LRRC4C: variants seen among roughly 807,000 people sequenced by gnomAD.
LRRC4C encodes the protein leucine rich repeat containing 4C, also known as leucine-rich repeat-containing protein 4C.
In LRRC4C, 5 loss-of-function variants were observed where a neutral mutation model predicts 33.6. The observed-to-expected ratio is 0.15, with a 90% confidence interval of 0.08 to 0.31. The LOEUF is 0.31. LRRC4C is among the 10% of genes least tolerant of loss of function. LRRC4C has a pLI of 1.00. For missense variants in LRRC4C, 560 were observed against 796.7 expected, an observed-to-expected ratio of 0.70 and a Z score of 3.58; for synonymous variants, 329 against 302.0, an observed-to-expected ratio of 1.09 and a Z score of -0.93.
intron 1 of LRRC4C, among the ~76,000 whole-genome samples, chr11:40,964,241 G>C (rs1251179163): frequency 1.3e-5 from 2 of 151,466 alleles, no homozygotes; most frequent in Non-Finnish European, 3.0e-5. Context: ...TTTTATCATT[G>C]ATTTATATCA....
chr11:40,788,145 TTC>T (rs1054318897), intron 2 of LRRC4C, among the ~76,000 whole-genome samples: 14 of 152,120 alleles, frequency 9.2e-5, no homozygotes, highest in African/African-American at 3.4e-4. Flanking sequence ...TCAATCTGAG[TTC>T]TGTCTTCTTC....
At chr11:40,606,919 G>T (rs186443417) in intron 3 of LRRC4C, among the ~76,000 whole-genome samples, 62 of 152,214 alleles carry the variant, frequency 4.1e-4, no homozygotes, top group African/African-American at 1.5e-3. Context: ...ATAACAAAAA[G>T]TTAATAGTCA....
chr11:40,958,005 C>A (rs1403312145), intron 1 of LRRC4C, among the ~76,000 whole-genome samples: 1 of 151,572 alleles, frequency 6.6e-6, no homozygotes, highest in East Asian at 1.9e-4. Context: ...GTGGAGGCTT[C>A]ATGATTGGGA....
At chr11:40,728,538 A>T (rs1280187818) in intron 2 of LRRC4C, among the ~76,000 whole-genome samples, 2 of 148,848 alleles carry the variant, frequency 1.3e-5, no homozygotes, top group Non-Finnish European at 3.0e-5. Context: ...AGGCGGGAGA[A>T]TGGTATGAAC....
chr11:40,755,272 G>A (rs1405681319), intron 2 of LRRC4C, among the ~76,000 whole-genome samples: 2 of 152,038 alleles, frequency 1.3e-5, no homozygotes, highest in African/African-American at 2.4e-5. Context: ...AATATGATGA[G>A]CTCTTTTACT....
chr11:40,706,626 T>C (rs1946181700), intron 2 of LRRC4C, among the ~76,000 whole-genome samples: 2 of 152,186 alleles, frequency 1.3e-5, no homozygotes, highest in Non-Finnish European at 2.9e-5. Flanking sequence ...TGCAGTATAG[T>C]TTGAAGTCAG....
chr11:41,195,186 G>A (rs1292336262), intron 1 of LRRC4C, among the ~76,000 whole-genome samples: 1 of 151,706 alleles, frequency 6.6e-6, no homozygotes, highest in East Asian at 1.9e-4. Flanking sequence ...TTCTCTTTAG[G>A]TTAACAAAAC....
chr11:41,183,564 G>A (rs1275736675), intron 1 of LRRC4C, among the ~76,000 whole-genome samples: 1 of 152,112 alleles, frequency 6.6e-6, no homozygotes, highest in East Asian at 1.9e-4. Flanking sequence ...CCAGGGTCTT[G>A]GGAAGCTCCA....
chr11:41,175,645 C>T (rs1025836817), intron 1 of LRRC4C, among the ~76,000 whole-genome samples: 2 of 152,116 alleles, frequency 1.3e-5, no homozygotes, highest in Non-Finnish European at 2.9e-5. Context: ...TTCAACCTTA[C>T]TATATGCTGA....
intron 5 of LRRC4C, among the ~76,000 whole-genome samples, chr11:40,191,729 G>C (rs1404257902): frequency 6.6e-6 from 1 of 152,192 alleles, no homozygotes; most frequent in Non-Finnish European, 1.5e-5. Flanking sequence ...AGGAGGCTGA[G>C]GCAGAAGGAT....
At chr11:41,313,613 A>T (rs1415311677) in intron 1 of LRRC4C, among the ~76,000 whole-genome samples, 1 of 152,218 alleles carries the variant, frequency 6.6e-6, no homozygotes, top group Non-Finnish European at 1.5e-5. Flanking sequence ...GATAGTGCTT[A>T]GAATACAAAT....
intron 3 of LRRC4C, among the ~76,000 whole-genome samples, chr11:40,551,716 T>C (rs1957133354): frequency 6.6e-6 from 1 of 152,218 alleles, no homozygotes; most frequent in Non-Finnish European, 1.5e-5. Flanking sequence ...CTTCATCTGG[T>C]AGAATATAAG....
intron 4 of LRRC4C, among the ~76,000 whole-genome samples, chr11:40,279,129 T>A (rs1249902574): frequency 1.3e-5 from 2 of 152,180 alleles, no homozygotes; most frequent in African/African-American, 2.4e-5. Context: ...AAACTACACC[T>A]GAACTCCATG....
chr11:41,224,545 A>G (rs1947445425), intron 1 of LRRC4C, among the ~76,000 whole-genome samples: 1 of 152,176 alleles, frequency 6.6e-6, no homozygotes, highest in Admixed American at 6.5e-5. Flanking sequence ...GGAAGTCAAA[A>G]CTTCCTTGTC....
chr11:40,697,184 T>C (rs1945608410), intron 2 of LRRC4C, among the ~76,000 whole-genome samples: 1 of 152,126 alleles, frequency 6.6e-6, no homozygotes, highest in South Asian at 2.1e-4. Flanking sequence ...CATGGGGTCC[T>C]TCGTTCCTTT....
intron 6 of LRRC4C, among the ~76,000 whole-genome samples, chr11:40,136,328 G>A (rs1316305561): frequency 1.3e-5 from 2 of 151,720 alleles, no homozygotes; most frequent in South Asian, 2.1e-4. Context: ...GTGCAGTGGC[G>A]CGATCTCGGC....
At chr11:41,362,894 A>G (rs1952406620) in intron 1 of LRRC4C, among the ~76,000 whole-genome samples, 1 of 151,982 alleles carries the variant, frequency 6.6e-6, no homozygotes, top group Admixed American at 6.6e-5. Flanking sequence ...TGCTTCTGTC[A>G]CATGGCCTTC....
At position 40,745,847 on chromosome 11, in the gene LRRC4C, G is replaced by A. The variant is rs186080438; in HGVS notation, c.-406-97569C>T. 9.8e-4 allele frequency among the ~76,000 whole-genome samples: 149 copies of A among 152,176 alleles called. No homozygotes were observed. In the Middle Eastern group the frequency reaches 0.01, roughly 10 times the overall value. Reference sequence around the variant, plus strand: ...TAATTCAGGACTTTATGAATCTGGCGTTATGAATCAAAAAGAATAATGCTT... The same window carrying A: ...TAATTCAGGACTTTATGAATCTGGCATTATGAATCAAAAAGAATAATGCTT... On this transcript the variant is annotated intron_variant, in intron 2 of 6. Transcript: ENST00000528697.
At chr11:40,246,246 T>C (rs527834303) in intron 4 of LRRC4C, among the ~76,000 whole-genome samples, 45 of 152,270 alleles carry the variant, frequency 3.0e-4, no homozygotes, top group Non-Finnish European at 6.2e-4. Context: ...AGTGCTGCGA[T>C]TACAGGCATA....
Sources: allele counts gnomAD v4.1 joint callset (sites outside exome capture counted in the v4.1 genomes callset), GRCh38; gene constraint gnomAD v4.1.1; transcripts MANE v1.5; gene names NCBI Gene and HGNC (gene_info 2026-07-23, HGNC 2026-07-21).